Variants in BBX observed in about 807,000 individuals in gnomAD.
BBX encodes HMG box transcription factor BBX.
Under a neutral mutation model 100.2 loss-of-function variants are expected in BBX, and 30 were observed. That is an observed-to-expected ratio of 0.30 (90% CI 0.22 to 0.41). The LOEUF (loss-of-function observed/expected upper bound fraction) is 0.41. Among genes scored for constraint, BBX ranks in the 10% least tolerant of loss-of-function variants. The pLI is 1.00. For missense variants in BBX, 1,023 were observed against 1,129.8 expected (o/e 0.91, Z 1.35); for synonymous variants, 376 against 388.1 (o/e 0.97, Z 0.37).
chr3:107,624,486 G>T (rs625810), intron 2 of BBX, among the ~76,000 whole-genome samples: 4 of 152,114 alleles, frequency 2.6e-5, no homozygotes, highest in Non-Finnish European at 4.4e-5. Flanking sequence ...GCTGAAGGGC[G>T]TAATAAAAGT....
intron 7 of BBX, among the ~76,000 whole-genome samples, chr3:107,738,280 A>T (rs1200884828): frequency 5.9e-5 from 9 of 151,934 alleles, no homozygotes; most frequent in Admixed American, 4.6e-4. Context: ...ATTTTAAAAA[A>T]TTTTCTTATT....
intron 2 of BBX, among the ~76,000 whole-genome samples, chr3:107,565,539 C>T (rs1372134758): frequency 2.0e-5 from 3 of 151,252 alleles, no homozygotes; most frequent in South Asian, 4.2e-4. Context: ...GGCGCAATCT[C>T]GGCTCACTGC....
At chr3:107,682,106 T>C (rs2059600937) in intron 3 of BBX, among the ~76,000 whole-genome samples, 1 of 152,148 alleles carries the variant, frequency 6.6e-6, no homozygotes, top group East Asian at 1.9e-4. Flanking sequence ...CTAATTTGAT[T>C]ACTCTTTTTA....
intron 5 of BBX, 58 bp downstream of exon 5, chr3:107,716,907 A>C (rs902170405): frequency 6.3e-7 from 1 of 1,579,450 alleles, no homozygotes; most frequent in Non-Finnish European, 8.6e-7. Flanking sequence ...TGAAACTCCC[A>C]GTCAACAAAT....
In BBX at chr3:107,724,231, A is replaced by G. The variant is rs1391594242; in HGVS notation, c.406-4534A>G. On this transcript the variant is annotated intron_variant, in intron 5 of 17. Coordinates refer to ENST00000325805, the MANE Select transcript of BBX (RefSeq NM_001142568.3). Reference sequence around the variant, plus strand: ...CTTCTTTTGAGAAGTGTCTGTTCATATCCTTTGCCCACTTTTTGATGGGGT... The same window carrying G: ...CTTCTTTTGAGAAGTGTCTGTTCATGTCCTTTGCCCACTTTTTGATGGGGT... Among the ~76,000 whole-genome samples the G allele has an allele frequency of 7.9e-5, 12 of 152,100 alleles. No homozygotes were observed. The East Asian group carries it at 1.2e-3, about 15-fold the overall frequency.
At chr3:107,558,211 G>A (rs1233770630) in intron 2 of BBX, among the ~76,000 whole-genome samples, 2 of 152,084 alleles carry the variant, frequency 1.3e-5, no homozygotes, top group Non-Finnish European at 1.5e-5. Flanking sequence ...TATCTTGGCC[G>A]GGCGCAGTGG....
intron 3 of BBX, among the ~76,000 whole-genome samples, chr3:107,655,704 A>T (rs868555824): frequency 5.6e-5 from 8 of 142,822 alleles, no homozygotes; most frequent in Middle Eastern, 3.6e-3. Flanking sequence ...AATTTATTTT[A>T]TTTTTTTTTT....
intron 3 of BBX, among the ~76,000 whole-genome samples, chr3:107,664,117 TTTTTC>T (rs1213979653): frequency 1.3e-5 from 2 of 152,208 alleles, no homozygotes; most frequent in African/African-American, 2.4e-5. Flanking sequence ...TTTCTTTTTC[TTTTTC>T]TTTTCTTTTA....
intron 12 of BBX, among the ~76,000 whole-genome samples, chr3:107,777,370 A>G (rs945142473): frequency 1.3e-5 from 2 of 152,094 alleles, no homozygotes; most frequent in Admixed American, 6.6e-5. Context: ...TATTCCTCCA[A>G]AACAGTTGTA....
chr3:107,742,063 CCTT>C (rs2064153206), intron 7 of BBX, among the ~76,000 whole-genome samples: 1 of 152,056 alleles, frequency 6.6e-6, no homozygotes, highest in East Asian at 1.9e-4. Context: ...CAGATTTCTG[CCTT>C]CTTAATAAAT....
chr3:107,659,330 A>G (rs2058318240), intron 3 of BBX, among the ~76,000 whole-genome samples: 2 of 151,938 alleles, frequency 1.3e-5, no homozygotes, highest in African/African-American at 4.8e-5. Flanking sequence ...GAACATATAG[A>G]TATCACTACA....
chr3:107,627,714 G>GAT (rs1236004949), intron 2 of BBX, among the ~76,000 whole-genome samples: 2 of 151,582 alleles, frequency 1.3e-5, no homozygotes, highest in African/African-American at 4.8e-5. Flanking sequence ...TATTGATAGT[G>GAT]ATATAGGTAT....
chr3:107,803,953 G>GTTT (rs11388129), intron 17 of BBX, among the ~76,000 whole-genome samples: 3 of 144,370 alleles, frequency 2.1e-5, no homozygotes, highest in East Asian at 2.0e-4. Context: ...CATCTTTTTT[G>GTTT]TTTTTTTTTT....
intron 1 of BBX, chr3:107,525,266 G>C (rs534824576): frequency 6.6e-5 from 10 of 151,786 alleles, no homozygotes; most frequent in Non-Finnish European, 1.2e-4. Context: ...GCCTCCCTGG[G>C]GGGCAGCGGA....
intron 3 of BBX, among the ~76,000 whole-genome samples, chr3:107,670,070 T>A (rs2058942659): frequency 6.6e-6 from 1 of 152,168 alleles, no homozygotes; most frequent in African/African-American, 2.4e-5. Flanking sequence ...TGAGTTTGAA[T>A]CAGATGTTAT....
chr3:107,613,831 T>C (rs1336964273), intron 2 of BBX, among the ~76,000 whole-genome samples: 1 of 152,152 alleles, frequency 6.6e-6, no homozygotes, highest in Non-Finnish European at 1.5e-5. Context: ...ACAGTCATTT[T>C]CCTATTTTTT....
intron 5 of BBX, among the ~76,000 whole-genome samples, chr3:107,727,243 C>T (rs1466629289): frequency 6.6e-6 from 1 of 152,028 alleles, no homozygotes; most frequent in East Asian, 1.9e-4. Context: ...TACTGGGACA[C>T]GATAATGATG....
chr3:107,647,464 T>G (rs2057588048), intron 3 of BBX, among the ~76,000 whole-genome samples: 2 of 152,210 alleles, frequency 1.3e-5, no homozygotes. Context: ...TTATTGACTA[T>G]AAGCAGAAAT....
At chr3:107,563,281 T>A (rs990504769) in intron 2 of BBX, among the ~76,000 whole-genome samples, 3 of 152,202 alleles carry the variant, frequency 2.0e-5, no homozygotes, top group African/African-American at 7.2e-5. Flanking sequence ...CTTGTTCACA[T>A]ACCCCTGTGA....
Sources: gnomAD v4.1 joint callset for allele counts (sites outside exome capture counted in the v4.1 genomes callset) on GRCh38, gnomAD v4.1.1 for gene constraint, MANE v1.5 for transcripts, NCBI Gene and HGNC (gene_info 2026-07-23, HGNC 2026-07-21) for gene names.